Variants in CDH6 observed in about 807,000 individuals in gnomAD.
The protein encoded by CDH6 is cadherin 6.
In CDH6, 31 loss-of-function variants were observed where a neutral mutation model predicts 78.0. The ratio of observed to expected loss-of-function variants is 0.40; its 90% CI spans 0.30 to 0.54. The LOEUF (loss-of-function observed/expected upper bound fraction) is 0.54, where lower values mean the gene tolerates loss of function less well. Among genes scored for constraint, CDH6 ranks in the 20% least tolerant of loss-of-function variants. CDH6 has a pLI of 0.56. For missense variants in CDH6, 724 were observed against 975.9 expected, an observed-to-expected ratio of 0.74 and a Z score of 3.44; for synonymous variants, 376 against 368.8, an observed-to-expected ratio of 1.02 and a Z score of -0.23.
In CDH6 at chr5:31,323,775, T is replaced by TA. The variant is rs1738543319; in HGVS notation, c.*468dup. 1 of 232,386 alleles carries TA rather than the reference T, an allele frequency of 4.3e-6. No individual in the cohort carries two copies. Among genetic ancestry groups the TA allele is most frequent in the Non-Finnish European group, 8.5e-6 (1 of 117,696 alleles). 14.4% of individuals were successfully genotyped at this position (232,386 alleles called of 1,614,324 possible). A position where few individuals can be genotyped will look rare whatever the true frequency, so the allele number is the denominator to read the frequency against. On this transcript the variant is annotated 3_prime_UTR_variant, in exon 12 of 12. Transcript: ENST00000265071. The stretch of plus-strand genomic sequence containing the variant: ...AAGAGATAAACTACATAGGGGTGTT[T>TA]ATTTGTGTCACAAAGAATTTAAAAT...
At chr5:31,259,886 G>A (rs1742166043) in intron 1 of CDH6, among the ~76,000 whole-genome samples, 1 of 152,178 alleles carries the variant, frequency 6.6e-6, no homozygotes. Flanking sequence ...GCACAGGAAG[G>A]ACAGTGGGGA....
intron 2 of CDH6, among the ~76,000 whole-genome samples, chr5:31,285,912 T>C (rs1742998044): frequency 6.6e-6 from 1 of 152,216 alleles, no homozygotes; most frequent in African/African-American, 2.4e-5. Flanking sequence ...CCTCCTCAGA[T>C]TGTTCAGATT....
At chr5:31,293,325 G>T (rs1737468168) in intron 2 of CDH6, among the ~76,000 whole-genome samples, 1 of 152,068 alleles carries the variant, frequency 6.6e-6, no homozygotes, top group South Asian at 2.1e-4. Context: ...ATTGCCCTTG[G>T]CAGCACTTAG....
At chr5:31,217,426 C>CT (rs1740897604) in intron 1 of CDH6, among the ~76,000 whole-genome samples, 2 of 152,112 alleles carry the variant, frequency 1.3e-5, no homozygotes, top group Non-Finnish European at 2.9e-5. Context: ...TCTCATCAGT[C>CT]TTACCAGATG....
chr5:31,202,384 C>T (rs1198876501), intron 1 of CDH6, among the ~76,000 whole-genome samples: 1 of 152,124 alleles, frequency 6.6e-6, no homozygotes, highest in Admixed American at 6.5e-5. Context: ...CCTCTAATCC[C>T]AGCACTTTGG....
At chr5:31,287,595 G>A (rs756098786) in intron 2 of CDH6, among the ~76,000 whole-genome samples, 4 of 152,208 alleles carry the variant, frequency 2.6e-5, no homozygotes, top group Non-Finnish European at 4.4e-5. Context: ...CCAAGGTTAT[G>A]TGACAAGTAC....
chr5:31,283,822 TTA>T (rs147872890), intron 2 of CDH6, among the ~76,000 whole-genome samples: 42,199 of 150,108 alleles, frequency 0.28, 6,476 homozygotes, highest in Admixed American at 0.36. Context: ...TCTCTTTTTT[TTA>T]TTTTTTTTAA....
chr5:31,248,399 A>T, intron 1 of CDH6, among the ~76,000 whole-genome samples: 1 of 152,216 alleles, frequency 6.6e-6, no homozygotes, highest in East Asian at 1.9e-4. Flanking sequence ...CCAACTTATC[A>T]GGCGTCTTAA....
intron 6 of CDH6, among the ~76,000 whole-genome samples, chr5:31,303,089 A>G (rs1192635951): frequency 2.0e-5 from 3 of 152,122 alleles, no homozygotes; most frequent in African/African-American, 7.2e-5. Context: ...TTTATTAAGA[A>G]CCTCCTAAGT....
chr5:31,321,406 C>T (rs1273230189), intron 11 of CDH6, among the ~76,000 whole-genome samples: 1 of 152,144 alleles, frequency 6.6e-6, no homozygotes, highest in Non-Finnish European at 1.5e-5. Context: ...ATTATGAATG[C>T]AGGCTTTTTA....
intron 1 of CDH6, among the ~76,000 whole-genome samples, chr5:31,234,395 A>G (rs1170080314): frequency 6.6e-6 from 1 of 152,234 alleles, no homozygotes; most frequent in African/African-American, 2.4e-5. Flanking sequence ...TATGGAGTGT[A>G]TGTCTGCTAA....
At chr5:31,273,922 G>C (rs912778804) in intron 2 of CDH6, among the ~76,000 whole-genome samples, 1 of 151,854 alleles carries the variant, frequency 6.6e-6, no homozygotes, top group Non-Finnish European at 1.5e-5. Context: ...TTTTTTAAGC[G>C]TCTTTTTCTT....
rs770833212 is a variant in CDH6 at position 31,292,958 on chromosome 5, T to C, written c.229-1004T>C. 3.2e-4 allele frequency among the ~76,000 whole-genome samples: 49 copies of C among 151,472 alleles called. 2 individuals are homozygous for C. The highest frequency in any genetic ancestry group is 6.3e-4 in the South Asian group (3 of 4,796). On this transcript the variant is annotated intron_variant, in intron 2 of 11. Transcript: ENST00000265071. ...AGGTATCATCTAACCTTTTGCTGGG[T>C]GGGAAAAAGGGAATTTAGGAAACAA...
At chr5:31,231,932 G>A (rs950108980) in intron 1 of CDH6, among the ~76,000 whole-genome samples, 3 of 152,172 alleles carry the variant, frequency 2.0e-5, no homozygotes, top group African/African-American at 7.2e-5. Context: ...ATTCACTTAA[G>A]GAGTAGAGTA....
chr5:31,287,499 G>A (rs1743041500), intron 2 of CDH6, among the ~76,000 whole-genome samples: 1 of 152,128 alleles, frequency 6.6e-6, no homozygotes, highest in East Asian at 1.9e-4. Context: ...TTTATTGTCT[G>A]AGAAACCTAC....
At chr5:31,249,245 T>C (rs1741842473) in intron 1 of CDH6, 1 of 152,354 alleles carries the variant, frequency 6.6e-6, no homozygotes, top group South Asian at 2.1e-4. Context: ...TTCTGCCTTT[T>C]GGGTTTTACC....
intron 1 of CDH6, among the ~76,000 whole-genome samples, chr5:31,230,319 A>T (rs1443027378): frequency 5.9e-5 from 9 of 152,204 alleles, no homozygotes. Flanking sequence ...TCACTAGGGG[A>T]TCATACACAG....
At chr5:31,222,527 T>C (rs1015770285) in intron 1 of CDH6, among the ~76,000 whole-genome samples, 2 of 152,206 alleles carry the variant, frequency 1.3e-5, no homozygotes, top group Non-Finnish European at 2.9e-5. Flanking sequence ...AAGTGTTTTC[T>C]GCTGATGATT....
In CDH6 at chr5:31,327,982, T is replaced by G. The variant is rs933680088; in HGVS notation, c.*4674T>G. 1 of 214,050 alleles carries G rather than the reference T, an allele frequency of 4.7e-6. No homozygotes were observed. Among genetic ancestry groups the G allele is most frequent in the African/African-American group, 2.3e-5 (1 of 44,182 alleles). The allele number at this position is 214,050 out of a possible 1,614,324, so 13.3% of individuals were successfully genotyped here. ...TACTCCCCTTTTTGTAATACCTTAT[T>G]TATGGTGCATTTTCATTTTTATTTG... is the stretch of plus-strand genomic sequence containing the variant. On this transcript the variant is annotated 3_prime_UTR_variant, in exon 12 of 12. Coordinates refer to ENST00000265071, the MANE Select transcript of CDH6 (RefSeq NM_004932.4).
Sources: allele counts gnomAD v4.1 joint callset (sites outside exome capture counted in the v4.1 genomes callset), GRCh38; gene constraint gnomAD v4.1.1; transcripts MANE v1.5; gene names NCBI Gene and HGNC (gene_info 2026-07-23, HGNC 2026-07-21).